The following CENPE variants were observed in gnomAD, a reference collection of about 807,000 sequenced individuals.
The protein encoded by CENPE is centromere protein E, also known as centromere-associated protein E.
In CENPE, 145 loss-of-function variants were observed where a neutral mutation model predicts 336.1. The observed-to-expected ratio is 0.43, with a 90% CI of 0.38 to 0.50. The LOEUF (loss-of-function observed/expected upper bound fraction) is 0.50, where lower values mean the gene tolerates loss of function less well. CENPE is among the 20% of genes least tolerant of loss of function. The pLI is 0.00. For synonymous variants in CENPE, 1,013 were observed against 984.8 expected, an observed-to-expected ratio of 1.03 and a Z score of -0.54; for missense variants, 2,719 against 3,023.3, an observed-to-expected ratio of 0.90 and a Z score of 2.36.
rs112405838 is a variant in CENPE at position 103,134,308 on chromosome 4, G to C, written c.6523-416C>G. 1.6e-3 allele frequency among the ~76,000 whole-genome samples: 249 copies of C among 152,012 alleles called. 3 individuals carry two copies. The highest frequency in any genetic ancestry group is 5.6e-3 in the African/African-American group (233 of 41,464). On this transcript the variant is annotated intron_variant, in intron 40 of 48. Coordinates refer to ENST00000265148, the MANE Select transcript of CENPE (RefSeq NM_001813.3). Reference sequence around the variant, plus strand: ...ACATCCTCTCCTGCCAACGCTGATTGGGTAACCAAAAAGATGAAGTTACAT... The same window carrying C: ...ACATCCTCTCCTGCCAACGCTGATTCGGTAACCAAAAAGATGAAGTTACAT...
intron 9 of CENPE, 23 bp downstream of exon 9, chr4:103,185,787 C>A: frequency 6.3e-7 from 1 of 1,579,452 alleles, no homozygotes. Flanking sequence ...TTAAGACTAA[C>A]ATATTTCATG....
intron 24 of CENPE, among the ~76,000 whole-genome samples, chr4:103,153,482 T>C (rs189912409): frequency 6.0e-4 from 92 of 152,328 alleles, no homozygotes; most frequent in Non-Finnish European, 1.1e-3. Context: ...CTCAGAGGTT[T>C]AGCTAGGTTT....
intron 16 of CENPE, among the ~76,000 whole-genome samples, chr4:103,170,541 A>G (rs1664559500): frequency 6.6e-6 from 1 of 152,218 alleles, no homozygotes; most frequent in Non-Finnish European, 1.5e-5. Flanking sequence ...AAAAAAACCT[A>G]TAATAAATAC....
chr4:103,165,484 G>C (rs764499412), intron 16 of CENPE, among the ~76,000 whole-genome samples: 1 of 152,142 alleles, frequency 6.6e-6, no homozygotes, highest in Non-Finnish European at 1.5e-5. Flanking sequence ...GAAAACCAGG[G>C]AAATGGCTCC....
Position 103,176,884 on chromosome 4 carries a change from G to GA in CENPE, c.1390+14dup, listed in dbSNP as rs748908729. 6.5e-7 allele frequency: 1 copy of GA among 1,548,614 alleles called. No homozygotes were observed. Among genetic ancestry groups the GA allele is most frequent in the Admixed American group, 2.0e-5 (1 of 50,112 alleles). ...TTTATAATTAAACATAGTTCCACTT[G>GA]AAAAAAGCACTCACATTCATCAATT... On this transcript the variant is annotated intron_variant, in intron 14 of 48. Coordinates refer to ENST00000265148, the MANE Select transcript of CENPE (RefSeq NM_001813.3).
chr4:103,154,271 T>C (rs773663569), intron 24 of CENPE, among the ~76,000 whole-genome samples: 63 of 151,672 alleles, frequency 4.2e-4, no homozygotes, highest in Non-Finnish European at 6.9e-4. Flanking sequence ...ACTTCTGGAG[T>C]TTTTTCCATT....
In CENPE at chr4:103,163,221, T is replaced by C; in HGVS notation, c.1758A>G (p.Glu586=). 1 of 1,609,232 alleles carries C rather than the reference T, an allele frequency of 6.2e-7. No individual in the cohort carries two copies. The highest frequency in any genetic ancestry group is 1.1e-5 in the South Asian group (1 of 90,812). ...GTAGCTTCTTAATCTGGTCTTCCTT[T>C]TCTCTAAGCAGCTCTACTTTTGAAC... ...ELSSKVELLR[E]KEDQIKKLQE... Residue 586 remains glutamate (E), a synonymous_variant, in exon 18 of 49, where the codon GAA becomes GAG. Transcript: ENST00000265148.
intron 26 of CENPE, among the ~76,000 whole-genome samples, chr4:103,149,682 G>T (rs189294257): frequency 6.6e-6 from 1 of 152,250 alleles, no homozygotes; most frequent in East Asian, 1.9e-4. Flanking sequence ...ACTGGAGTAG[G>T]TCTTCATTCC....
At chr4:103,153,860 G>C (rs190225846) in intron 24 of CENPE, among the ~76,000 whole-genome samples, 1 of 152,074 alleles carries the variant, frequency 6.6e-6, no homozygotes, top group Non-Finnish European at 1.5e-5. Flanking sequence ...CAAAAGGCTG[G>C]AGTTTTATTA....
intron 16 of CENPE, among the ~76,000 whole-genome samples, chr4:103,168,064 C>T (rs961733134): frequency 1.3e-4 from 20 of 151,766 alleles, no homozygotes; most frequent in East Asian, 1.2e-3. Context: ...TAGCAGATTC[C>T]GACGGGGACA....
chr4:103,144,452 T>A lies in CENPE; in HGVS notation c.5024A>T (p.His1675Leu). Reference sequence around the variant, plus strand: ...AGATCTCATTTCTTCAAGGTTTTCATGTAGTATCTGAGTCAACCTTATATT... The same window carrying A: ...AGATCTCATTTCTTCAAGGTTTTCAAGTAGTATCTGAGTCAACCTTATATT... ...TENIRLTQIL[H>L]ENLEEMRSVT... Residue 1675 changes from histidine (H) to leucine (L), a missense_variant, in exon 33 of 49, where the codon CAT becomes CTT. By Grantham distance (99) the His-to-Leu change is moderately conservative (BLOSUM62 -3). Transcript: ENST00000265148. The A allele has an allele frequency of 1.2e-6, 2 of 1,614,160 alleles. No homozygotes were observed. Among genetic ancestry groups the A allele is most frequent in the South Asian group, 2.2e-5 (2 of 91,082 alleles).
chr4:103,116,950 A>C (rs1451775390), intron 44 of CENPE, among the ~76,000 whole-genome samples: 1 of 152,188 alleles, frequency 6.6e-6, no homozygotes, highest in Non-Finnish European at 1.5e-5. Flanking sequence ...TTTATTTCTT[A>C]AAATAAATAT....
At position 103,195,239 on chromosome 4, in the gene CENPE, A is replaced by G; in HGVS notation, c.358-6T>C. 1 of 1,567,652 alleles carries G rather than the reference A, an allele frequency of 6.4e-7. No individual in the cohort carries two copies. Among genetic ancestry groups the G allele is most frequent in the Non-Finnish European group, 8.6e-7 (1 of 1,164,358 alleles). On this transcript the variant is annotated splice_region_variant and splice_polypyrimidine_tract_variant and intron_variant, in intron 4 of 48. Coordinates refer to ENST00000265148, the MANE Select transcript of CENPE (RefSeq NM_001813.3). ...AGAAATTCCCTATCAGGAAACTAGA[A>G]GAAAAAAAATTATATAAAAACACCA...
At chr4:103,148,823 T>G in intron 28 of CENPE, 21 bp downstream of exon 28, 1 of 1,600,572 alleles carries the variant, frequency 6.2e-7, no homozygotes. Flanking sequence ...TGACAAAGGA[T>G]GAAAGGAATA....
chr4:103,138,581 A>C (rs1752275253), intron 38 of CENPE, 132 bp from the exon 39 acceptor site: 5 of 647,966 alleles, frequency 7.7e-6, no homozygotes, highest in African/African-American at 1.8e-5. Context: ...ACTCAAAAGC[A>C]ATGTTAAAAT....
chr4:103,108,297 A>G (rs1293987034), intron 48 of CENPE, among the ~76,000 whole-genome samples: 16 of 151,684 alleles, frequency 1.1e-4, no homozygotes, highest in Non-Finnish European at 2.4e-4. Context: ...ATGAGAATTA[A>G]GCTCTATGAA....
Position 103,161,365 on chromosome 4 carries a change from T to C in CENPE, c.1935A>G (p.Arg645=). The change falls in exon 19 of 49, where the codon AGA becomes AGG. Residue 645 remains arginine (R), a synonymous_variant. Coordinates refer to ENST00000265148, the MANE Select transcript of CENPE (RefSeq NM_001813.3). ...TCTCCTTCAGCTCCAGATTTTCACT[T>C]CTAAGAAAGGCTGATTCTCTCTTGG... The part of the protein sequence containing the change: ...LDAKRESAFL[R]SENLELKEKM... 6.2e-7 allele frequency: 1 copy of C among 1,611,902 alleles called. No individual in the cohort carries two copies. The highest frequency in any genetic ancestry group is 8.5e-7 in the Non-Finnish European group (1 of 1,179,094).
chr4:103,188,968 C>T (rs1393701763), intron 8 of CENPE, among the ~76,000 whole-genome samples: 1 of 152,152 alleles, frequency 6.6e-6, no homozygotes, highest in Non-Finnish European at 1.5e-5. Context: ...GATATCATCA[C>T]CGATCCCACA....
chr4:103,153,145 A>C lies in CENPE; in HGVS notation c.3139T>G (p.Ser1047Ala). The change falls in exon 25 of 49, where the codon TCT becomes GCT. Residue 1047 changes from serine (S) to alanine (A), a missense_variant. Coordinates refer to ENST00000265148, the MANE Select transcript of CENPE (RefSeq NM_001813.3). ...AGTTCATTTTTCTCCTGTATTAAAG[A>C]AAATATCTTCCTTTGTTGCTCAATT... ...EIIEQQRKIF[S>A]LIQEKNELQQ... 6.2e-7 allele frequency: 1 copy of C among 1,612,350 alleles called. No homozygotes were observed.
Sources: gnomAD v4.1 joint callset for allele counts (sites outside exome capture counted in the v4.1 genomes callset) on GRCh38, gnomAD v4.1.1 for gene constraint, MANE v1.5 for transcripts, NCBI Gene and HGNC (gene_info 2026-07-23, HGNC 2026-07-21) for gene names.